Variants in CLTCL1 observed in about 807,000 individuals in gnomAD.
CLTCL1 encodes the protein clathrin heavy chain like 1, also known as clathrin heavy chain 2.
A neutral mutation model predicts 190.0 loss-of-function variants in CLTCL1; 159 were observed. The ratio of observed to expected loss-of-function variants is 0.84; its 90% confidence interval spans 0.74 to 0.95. CLTCL1 has a LOEUF of 0.95. Ranked by LOEUF, CLTCL1 falls within the 40% of genes least tolerant of loss-of-function variation. The probability of loss-of-function intolerance (pLI) is 0.00; values close to 1 mark genes in which losing one functional copy is unlikely to be tolerated. For synonymous variants in CLTCL1, 752 were observed against 769.6 expected, an observed-to-expected ratio of 0.98 and a Z score of 0.38; for missense variants, 1,878 against 2,033.4, an observed-to-expected ratio of 0.92 and a Z score of 1.47.
intron 32 of CLTCL1, 68 bp from the exon 33 acceptor site, chr22:19,180,037 C>G: frequency 1.6e-6 from 1 of 640,180 alleles, no homozygotes; most frequent in Non-Finnish European, 2.7e-6. Flanking sequence ...CTGGCTGCCC[C>G]TGAGTAGCCC....
chr22:19,273,976 C>T (rs1278411266), intron 2 of CLTCL1, among the ~76,000 whole-genome samples: 16 of 151,982 alleles, frequency 1.1e-4, no homozygotes, highest in African/African-American at 2.4e-4. Flanking sequence ...CTAACTATTG[C>T]GTTCTCTTTA....
intron 11 of CLTCL1, among the ~76,000 whole-genome samples, chr22:19,228,747 G>GA (rs1257920075): frequency 6.6e-6 from 1 of 152,186 alleles, no homozygotes; most frequent in African/African-American, 2.4e-5. Flanking sequence ...TGAACAGCTT[G>GA]ATATAAACTC....
chr22:19,222,903 G>A (rs976615616), intron 14 of CLTCL1, 94 bp from the exon 15 acceptor site: 12 of 1,444,360 alleles, frequency 8.3e-6, no homozygotes, highest in African/African-American at 5.6e-5. Context: ...CTCTGTCTCT[G>A]CAGCAGAGTG....
At chr22:19,272,570 A>C (rs782081175) in intron 2 of CLTCL1, among the ~76,000 whole-genome samples, 5 of 152,164 alleles carry the variant, frequency 3.3e-5, no homozygotes, top group Admixed American at 6.5e-5. Flanking sequence ...TCCTGGGTTC[A>C]AGTGATTCTC....
At chr22:19,276,624 C>T (rs1216121376) in intron 1 of CLTCL1, among the ~76,000 whole-genome samples, 1 of 152,164 alleles carries the variant, frequency 6.6e-6, no homozygotes, top group African/African-American at 2.4e-5. Context: ...ATAAATTTCT[C>T]TGCTCTGACC....
At chr22:19,195,407 C>T (rs2084663680) in intron 26 of CLTCL1, among the ~76,000 whole-genome samples, 1 of 152,178 alleles carries the variant, frequency 6.6e-6, no homozygotes, top group African/African-American at 2.4e-5. Flanking sequence ...CCAGGAAAGG[C>T]AGAGGCTGAA....
chr22:19,283,991 CAAAAAAAA>C (rs1221211147), intron 1 of CLTCL1, among the ~76,000 whole-genome samples: 3 of 62,458 alleles, frequency 4.8e-5, no homozygotes, highest in Non-Finnish European at 1.0e-4. Flanking sequence ...GACCCTGTCT[CAAAAAAAA>C]AAAAAAAAAA....
At chr22:19,202,213 G>A (rs1435488050) in intron 22 of CLTCL1, among the ~76,000 whole-genome samples, 1 of 151,988 alleles carries the variant, frequency 6.6e-6, no homozygotes, top group East Asian at 1.9e-4. Context: ...TCTCCTGATT[G>A]TTCTCAGTCC....
intron 1 of CLTCL1, among the ~76,000 whole-genome samples, chr22:19,278,898 C>T (rs564122049): frequency 1.2e-3 from 176 of 152,234 alleles, no homozygotes; most frequent in Non-Finnish European, 2.0e-3. Context: ...CTCACCACCA[C>T]GCCCAGCTAT....
At chr22:19,238,820 A>G (rs1263947082) in intron 5 of CLTCL1, 1 of 153,996 alleles carries the variant, frequency 6.5e-6, no homozygotes, top group Non-Finnish European at 1.4e-5. Flanking sequence ...AGCCAATTGT[A>G]AAGGAAATAA....
intron 19 of CLTCL1, among the ~76,000 whole-genome samples, chr22:19,211,766 C>CAAAAA (rs66494838): frequency 1.6e-4 from 7 of 42,686 alleles, no homozygotes; most frequent in Non-Finnish European, 2.4e-4. Context: ...GATTGCATCT[C>CAAAAA]AAAAAAAAAA....
intron 5 of CLTCL1, chr22:19,238,582 C>T: frequency 4.7e-6 from 1 of 212,434 alleles, no homozygotes; most frequent in South Asian, 8.6e-5. Context: ...TTTAGGGAAC[C>T]TCACAAGAAC....
intron 10 of CLTCL1, among the ~76,000 whole-genome samples, chr22:19,230,177 A>G (rs1438283371): frequency 2.7e-5 from 4 of 148,264 alleles, no homozygotes; most frequent in African/African-American, 5.1e-5. Context: ...GCTCACTCCA[A>G]TCTCTGCCCT....
In CLTCL1 at chr22:19,196,345, T is replaced by C. The variant is rs1336660479; in HGVS notation, c.4112A>G (p.Tyr1371Cys). ...LVFLYDKYEEYDNAVLTMMSH... is the reference protein window; with the variant it reads ...LVFLYDKYEECDNAVLTMMSH... ...CATCATGGTGAGCACAGCATTGTCA[T>C]ACTCCTCGTACTTGTCATAGAGGAA... The change falls in exon 26 of 33, where the codon TAT becomes TGT. Residue 1371 changes from tyrosine (Y) to cysteine (C), a missense_variant. Coordinates refer to ENST00000427926, the MANE Select transcript of CLTCL1 (RefSeq NM_007098.4). 1.2e-6 allele frequency: 2 copies of C among 1,613,896 alleles called. No individual in the cohort carries two copies. Among genetic ancestry groups the C allele is most frequent in the Admixed American group, 3.3e-5 (2 of 60,010 alleles).
chr22:19,241,401 A>G (rs570762603), intron 4 of CLTCL1, among the ~76,000 whole-genome samples: 2 of 152,320 alleles, frequency 1.3e-5, no homozygotes, highest in South Asian at 4.1e-4. Flanking sequence ...CCACATAACT[A>G]AAGTCAGTGT....
chr22:19,240,951 G>T (rs985441980), intron 4 of CLTCL1, among the ~76,000 whole-genome samples: 9 of 152,252 alleles, frequency 5.9e-5, no homozygotes, highest in Admixed American at 1.3e-4. Context: ...CAGCTGGCCA[G>T]TCCCAAAAGG....
chr22:19,180,116 G>A (rs1226593393), intron 32 of CLTCL1, 83 bp downstream of exon 32: 1 of 1,201,520 alleles, frequency 8.3e-7, no homozygotes, highest in Non-Finnish European at 1.2e-6. Context: ...AAGAGAGCAG[G>A]CATCCAGAGG....
At position 19,223,971 on chromosome 22, in the gene CLTCL1, T is replaced by C; in HGVS notation, c.2212A>G (p.Thr738Ala). 1 of 1,613,964 alleles carries C rather than the reference T, an allele frequency of 6.2e-7. No individual in the cohort carries two copies. Among genetic ancestry groups the C allele is most frequent in the South Asian group, 1.1e-5 (1 of 91,084 alleles). Residue 738 changes from threonine (T) to alanine (A), a missense_variant, in exon 14 of 33, where the codon ACA becomes GCA. Transcript: ENST00000427926. Reference sequence around the variant, plus strand: ...CTCTCCACCTCCTTGATCTGCCCTGTCTTACAGGCAGCCTGAATGTATTTC... The same window carrying C: ...CTCTCCACCTCCTTGATCTGCCCTGCCTTACAGGCAGCCTGAATGTATTTC... ...HLKYIQAACK[T>A]GQIKEVERIC...
At position 19,225,593 on chromosome 22, in the gene CLTCL1, G is replaced by C; in HGVS notation, c.1988C>G (p.Ser663Cys). 3.8e-6 allele frequency: 6 copies of C among 1,575,020 alleles called. No homozygotes were observed. The highest frequency in any genetic ancestry group is 5.2e-6 in the Non-Finnish European group (6 of 1,160,684). ...CAGCATGGCATGCAGACACTCCACAGAATCCTCCACCGATAAGGAGCCAAA... is the reference window on the plus strand; with the variant it reads ...CAGCATGGCATGCAGACACTCCACACAATCCTCCACCGATAAGGAGCCAAA... ...NFFGSLSVED[S>C]VECLHAMLSA... Residue 663 changes from serine (S) to cysteine (C), a missense_variant, in exon 13 of 33, where the codon TCT (serine) becomes TGT (cysteine). By Grantham distance (112) the Ser-to-Cys change is moderately radical (BLOSUM62 -1). Transcript: ENST00000427926.
Sources: gnomAD v4.1 joint callset for allele counts (sites outside exome capture counted in the v4.1 genomes callset) on GRCh38, gnomAD v4.1.1 for gene constraint, MANE v1.5 for transcripts, NCBI Gene and HGNC (gene_info 2026-07-23, HGNC 2026-07-21) for gene names.